The following PACC1 variants were observed in gnomAD, a reference collection of about 807,000 sequenced individuals.
The protein encoded by PACC1 is proton activated chloride channel 1, also known as proton-activated chloride channel.
Under a neutral mutation model 39.7 loss-of-function variants are expected in PACC1, and 34 were observed. The ratio of observed to expected loss-of-function variants is 0.86; its 90% CI spans 0.65 to 1.14. The LOEUF is 1.14. PACC1 is among the 50% of genes most tolerant of loss of function. The pLI, the probability that PACC1 is intolerant of heterozygous loss-of-function variation, is 0.00. For synonymous variants in PACC1, 127 were observed against 160.6 expected, an observed-to-expected ratio of 0.79 and a Z score of 1.58; for missense variants, 379 against 436.4, an observed-to-expected ratio of 0.87 and a Z score of 1.17.
chr1:212,402,508 T>G (rs899472026), intron 2 of PACC1, among the ~76,000 whole-genome samples: 1 of 152,220 alleles, frequency 6.6e-6, no homozygotes, highest in African/African-American at 2.4e-5. Flanking sequence ...TTAAACTGAG[T>G]TATTTGTCTT....
At chr1:212,385,137 C>CGCAT in intron 4 of PACC1, 137 bp downstream of exon 4, 1 of 980,920 alleles carries the variant, frequency 1.0e-6, no homozygotes, top group South Asian at 1.6e-5. Context: ...ATGGCACAGC[C>CGCAT]GCATGTCTCC....
intron 1 of PACC1, among the ~76,000 whole-genome samples, chr1:212,411,788 C>G (rs945309759): frequency 6.6e-6 from 1 of 152,320 alleles, no homozygotes; most frequent in Admixed American, 6.5e-5. Context: ...CGACTCCACT[C>G]CTGCCCCTTA....
At chr1:212,371,268 A>G (rs1024111824) in intron 7 of PACC1, among the ~76,000 whole-genome samples, 6 of 151,442 alleles carry the variant, frequency 4.0e-5, no homozygotes, top group Non-Finnish European at 7.4e-5. Flanking sequence ...AAGAAAGAAA[A>G]GTTAGTTGTT....
chr1:212,392,580 C>T (rs1288570023), intron 2 of PACC1, among the ~76,000 whole-genome samples: 11 of 152,152 alleles, frequency 7.2e-5, no homozygotes, highest in African/African-American at 2.2e-4. Flanking sequence ...GGATCAAATT[C>T]ACACATAACA....
chr1:212,402,834 A>T lies in PACC1; in HGVS notation c.133+7591T>A, dbSNP rs149847060. 6.6e-5 allele frequency among the ~76,000 whole-genome samples: 10 copies of T among 152,274 alleles called. 1 individual carries two copies. The highest frequency in any genetic ancestry group is 2.2e-4 in the African/African-American group (9 of 41,548). On this transcript the variant is annotated intron_variant, in intron 2 of 7. Coordinates refer to ENST00000261455, the MANE Select transcript of PACC1 (RefSeq NM_018252.3). Reference sequence around the variant, plus strand: ...CATGCCTGGCTAACTTTGCATTTTTAGTAGAGGTGGAGTTTCACTATGTTG... The same window carrying T: ...CATGCCTGGCTAACTTTGCATTTTTTGTAGAGGTGGAGTTTCACTATGTTG...
intron 4 of PACC1, among the ~76,000 whole-genome samples, chr1:212,382,340 C>G (rs1660932884): frequency 6.6e-6 from 1 of 152,104 alleles, no homozygotes; most frequent in Non-Finnish European, 1.5e-5. Context: ...CCACGCCCGG[C>G]TGGAGTGTTT....
chr1:212,400,428 T>C (rs999777481), intron 2 of PACC1, among the ~76,000 whole-genome samples: 11 of 152,224 alleles, frequency 7.2e-5, no homozygotes, highest in African/African-American at 2.7e-4. Flanking sequence ...ATTACTTGCA[T>C]GGGAACATTG....
chr1:212,409,420 A>C (rs1375585523), intron 2 of PACC1, among the ~76,000 whole-genome samples: 2 of 152,184 alleles, frequency 1.3e-5, no homozygotes, highest in East Asian at 1.9e-4. Context: ...AGTGAATTCC[A>C]GGCAGAGAAA....
chr1:212,385,085 C>T (rs894149763), intron 4 of PACC1, among the ~76,000 whole-genome samples, 189 bp downstream of exon 4: 3 of 152,222 alleles, frequency 2.0e-5, no homozygotes, highest in Non-Finnish European at 4.4e-5. Context: ...GCCTCACTGT[C>T]CTCCCTGAAT....
intron 2 of PACC1, among the ~76,000 whole-genome samples, chr1:212,408,344 C>CA (rs1339675734): frequency 6.6e-6 from 1 of 151,690 alleles, no homozygotes; most frequent in East Asian, 1.9e-4. Context: ...TCCTTCCAGG[C>CA]AGTCTTTTTT....
intron 5 of PACC1, among the ~76,000 whole-genome samples, chr1:212,379,097 C>T (rs184730769): frequency 1.1e-4 from 16 of 152,080 alleles, no homozygotes; most frequent in Non-Finnish European, 5.9e-5. Context: ...GTGCCCGCTA[C>T]CACGCCTGGC....
chr1:212,390,569 C>G (rs1383139835), intron 2 of PACC1, among the ~76,000 whole-genome samples: 1 of 151,194 alleles, frequency 6.6e-6, no homozygotes, highest in Non-Finnish European at 1.5e-5. Context: ...GGGTTCGTAT[C>G]ACTGGGGCTT....
At chr1:212,402,167 C>T (rs1313575939) in intron 2 of PACC1, among the ~76,000 whole-genome samples, 7 of 152,160 alleles carry the variant, frequency 4.6e-5, no homozygotes, top group African/African-American at 4.8e-5. Context: ...TCATTTCTCA[C>T]GAATATACAC....
intron 2 of PACC1, among the ~76,000 whole-genome samples, chr1:212,399,930 C>T (rs756225679): frequency 2.2e-4 from 34 of 152,002 alleles, no homozygotes; most frequent in South Asian, 4.2e-4. Flanking sequence ...CCGCAACCTC[C>T]GCCTCCTGGG....
At chr1:212,381,672 GCA>G (rs1660884563) in intron 4 of PACC1, among the ~76,000 whole-genome samples, 1 of 140,456 alleles carries the variant, frequency 7.1e-6, no homozygotes, top group Non-Finnish European at 1.5e-5. Context: ...CTGGGCATGT[GCA>G]CAGACACACA....
Position 212,387,096 on chromosome 1 carries a change from C to T in PACC1, c.138G>A (p.Leu46=), listed in dbSNP as rs1416813361. 6.2e-7 allele frequency: 1 copy of T among 1,613,678 alleles called. No individual in the cohort carries two copies. The highest frequency in any genetic ancestry group is 1.7e-5 in the Admixed American group (1 of 60,024). Residue 46 remains leucine (L), a synonymous_variant, in exon 3 of 8, where the codon CTG becomes CTA. Coordinates refer to ENST00000261455, the MANE Select transcript of PACC1 (RefSeq NM_018252.3). ...RVQGPGILPG[L]DSESASSSIR... ...TGCTGCTGGAGGCGGACTCGCTGTC[C>T]AGGCCTGACAACAACAAAACACCAT...
chr1:212,377,790 T>C, intron 5 of PACC1, 84 bp from the exon 6 acceptor site: 1 of 1,521,162 alleles, frequency 6.6e-7, no homozygotes, highest in Non-Finnish European at 8.9e-7. Flanking sequence ...AGCTGGTTTC[T>C]TTGCTGGCAC....
At chr1:212,401,046 T>C (rs1661691993) in intron 2 of PACC1, among the ~76,000 whole-genome samples, 1 of 152,196 alleles carries the variant, frequency 6.6e-6, no homozygotes, top group African/African-American at 2.4e-5. Flanking sequence ...CTGTTTAGTG[T>C]GGTCAATTTT....
intron 3 of PACC1, 40 bp from the exon 4 acceptor site, chr1:212,385,465 A>T (rs755632322): frequency 1.2e-6 from 2 of 1,609,132 alleles, no homozygotes; most frequent in East Asian, 4.5e-5. Context: ...CAGAAATCAC[A>T]CTCCTGACCA....
Sources: gnomAD v4.1 joint callset for allele counts (sites outside exome capture counted in the v4.1 genomes callset) on GRCh38, gnomAD v4.1.1 for gene constraint, MANE v1.5 for transcripts, NCBI Gene and HGNC (gene_info 2026-07-23, HGNC 2026-07-21) for gene names.